FHL1: variants seen among roughly 807,000 people sequenced by gnomAD.
The protein encoded by FHL1 is four and a half LIM domains 1.
Under a neutral mutation model 20.3 loss-of-function variants are expected in FHL1, and 1 was observed. The observed-to-expected ratio is 0.05, with a 90% CI of 0.02 to 0.23. FHL1 has a LOEUF of 0.23. Among genes scored for constraint, FHL1 ranks in the 10% least tolerant of loss-of-function variants. The probability of loss-of-function intolerance (pLI) is 1.00; values close to 1 mark genes in which losing one functional copy is unlikely to be tolerated. For synonymous variants in FHL1, 82 were observed against 88.9 expected (o/e 0.92, Z 0.44); for missense variants, 177 against 234.0 (o/e 0.76, Z 1.59).
At chrX:136,187,155 AG>A (rs1409004695) in intron 2 of FHL1, among the ~76,000 whole-genome samples, 46 of 50,352 alleles carry the variant, frequency 9.1e-4, no homozygotes, top group East Asian at 2.1e-3. Flanking sequence ...AAGAGGAAAA[AG>A]AAAAAATATA....
In FHL1 at chrX:136,208,535, G is replaced by C; in HGVS notation, c.630G>C (p.Lys210Asn). 1 of 1,211,445 alleles carries C rather than the reference G, an allele frequency of 8.3e-7. No homozygotes were observed. Among genetic ancestry groups the C allele is most frequent in the Non-Finnish European group, 1.1e-6 (1 of 895,335 alleles). The change falls in exon 5 of 6, where the codon AAG becomes AAC. Residue 210 changes from lysine to asparagine, a missense_variant. Lys to Asn is a moderately conservative substitution (Grantham distance 94). Coordinates refer to ENST00000370683, the MANE Select transcript of FHL1 (RefSeq NM_001159699.2). ...DCFVCVTCSK[K>N]LAGQRFTAVE... The stretch of plus-strand genomic sequence containing the variant: ...TTGTGTGTGTTACCTGCTCTAAGAA[G>C]CTGGCTGGGCAGCGTTTCACCGCTG...
intron 1 of FHL1, among the ~76,000 whole-genome samples, chrX:136,149,534 G>A (rs761336981): frequency 1.8e-5 from 2 of 112,033 alleles, no homozygotes; most frequent in Non-Finnish European, 3.8e-5. Flanking sequence ...ACCACCTCAC[G>A]ATAAGTACAT....
At chrX:136,162,101 C>T (rs977973776) in intron 1 of FHL1, among the ~76,000 whole-genome samples, 3 of 85,056 alleles carry the variant, frequency 3.5e-5, no homozygotes, top group African/African-American at 1.4e-4. Context: ...CCAGCCTGGG[C>T]GACAGAGAGA....
intron 1 of FHL1, chrX:136,204,976 T>G (rs780706842): frequency 3.6e-5 from 4 of 112,488 alleles, no homozygotes; most frequent in Non-Finnish European, 7.5e-5. Flanking sequence ...TTTTCTCTCA[T>G]TCTTTCTCTC....
intron 1 of FHL1, among the ~76,000 whole-genome samples, chrX:136,199,366 A>G (rs1352498764): frequency 8.9e-6 from 1 of 112,280 alleles, no homozygotes; most frequent in African/African-American, 3.2e-5. Flanking sequence ...ATACCAGTGA[A>G]GTTGCTAATT....
chrX:136,186,924 C>CT (rs981131426), intron 2 of FHL1, among the ~76,000 whole-genome samples: 3 of 106,754 alleles, frequency 2.8e-5, no homozygotes, highest in Non-Finnish European at 3.9e-5. Flanking sequence ...AGATAGATTT[C>CT]TTACAGCATT....
rs1414530313 is a variant in FHL1, at chrX:136,208,577, C to T, written c.672C>T (p.Tyr224=). The change falls in exon 5 of 6, where the codon TAC becomes TAT. Residue 224 remains tyrosine, a synonymous_variant. Transcript: ENST00000370683. ...QRFTAVEDQY[Y]CVDCYKNFVA... ...TCACCGCTGTGGAGGACCAGTATTA[C>T]TGCGTGGATTGCTACAAGAACTTTG... 8.3e-7 allele frequency: 1 copy of T among 1,209,664 alleles called. No homozygotes were observed. Among genetic ancestry groups the T allele is most frequent in the Non-Finnish European group, 1.1e-6 (1 of 894,999 alleles).
intron 2 of FHL1, among the ~76,000 whole-genome samples, chrX:136,183,099 A>G (rs893451540): frequency 9.7e-6 from 1 of 103,595 alleles, no homozygotes; most frequent in Non-Finnish European, 2.0e-5. Flanking sequence ...TGTCTCAAAA[A>G]AAAAAAAAAC....
At chrX:136,196,415 G>A (rs977613920), upstream of FHL1, among the ~76,000 whole-genome samples, 2 of 111,544 alleles carry the variant, frequency 1.8e-5, no homozygotes, top group Non-Finnish European at 3.8e-5. Flanking sequence ...TTGAGTTTGT[G>A]AGACAAAATG....
At chrX:136,150,017 A>T (rs939992821) in intron 1 of FHL1, among the ~76,000 whole-genome samples, 3 of 111,929 alleles carry the variant, frequency 2.7e-5, no homozygotes, top group African/African-American at 9.7e-5. Context: ...AATCTTTTAC[A>T]GAGAGAAGCA....
chrX:136,153,928 A>G (rs1022184873), intron 1 of FHL1, among the ~76,000 whole-genome samples: 5 of 111,826 alleles, frequency 4.5e-5, no homozygotes, highest in Middle Eastern at 4.6e-3. Flanking sequence ...TAGTTGGAGA[A>G]CTATGCTATA....
intron 2 of FHL1, among the ~76,000 whole-genome samples, chrX:136,188,689 G>A (rs909284390): frequency 3.6e-5 from 4 of 111,097 alleles, no homozygotes; most frequent in Non-Finnish European, 7.5e-5. Flanking sequence ...TCTTCTTACA[G>A]TCATCCCAAC....
intron 1 of FHL1, among the ~76,000 whole-genome samples, chrX:136,158,274 A>G (rs1212003326): frequency 8.9e-6 from 1 of 112,188 alleles, no homozygotes; most frequent in African/African-American, 3.2e-5. Context: ...TCATTGATAT[A>G]TTTAATTGAA....
chrX:136,208,072 C>A, intron 4 of FHL1, 111 bp downstream of exon 4: 1 of 940,131 alleles, frequency 1.1e-6, no homozygotes, highest in Non-Finnish European at 1.5e-6. Flanking sequence ...AGCCCTGTGA[C>A]GTAGGAATTA....
At chrX:136,171,915 C>T (rs906436977) in intron 2 of FHL1, among the ~76,000 whole-genome samples, 4 of 106,412 alleles carry the variant, frequency 3.8e-5, no homozygotes, top group South Asian at 4.2e-4. Flanking sequence ...CTTGCTTTGT[C>T]GCTCAGGCTG....
chrX:136,186,864 AAATAT>A (rs1322167481), intron 2 of FHL1, among the ~76,000 whole-genome samples: 5 of 7,788 alleles, frequency 6.4e-4, no homozygotes, highest in African/African-American at 7.9e-4. Context: ...AAAAAAAAAA[AAATAT>A]ATATATATAT....
At chrX:136,179,788 C>T (rs1472413552) in intron 2 of FHL1, among the ~76,000 whole-genome samples, 5 of 111,600 alleles carry the variant, frequency 4.5e-5, no homozygotes, top group African/African-American at 1.6e-4. Context: ...ATCCCTTTTC[C>T]TTCACTGTAG....
chrX:136,177,010 A>ATT (rs1341450862), intron 2 of FHL1, among the ~76,000 whole-genome samples: 1 of 86,165 alleles, frequency 1.2e-5, no homozygotes, highest in East Asian at 4.3e-4. Context: ...AGTCATGTAG[A>ATT]AATACACACA....
At chrX:136,204,842 C>A (rs1603269455) in intron 1 of FHL1, 2 of 112,093 alleles carry the variant, frequency 1.8e-5, no homozygotes, top group Non-Finnish European at 3.8e-5. Context: ...CTCATGGCAA[C>A]AAGATCCAAA....
Sources: gnomAD v4.1 joint callset for allele counts (sites outside exome capture counted in the v4.1 genomes callset) on GRCh38, gnomAD v4.1.1 for gene constraint, MANE v1.5 for transcripts, NCBI Gene and HGNC (gene_info 2026-07-23, HGNC 2026-07-21) for gene names.